Variants in MEGF11 observed in about 807,000 individuals in gnomAD.
The protein encoded by MEGF11 is multiple epidermal growth factor-like domains protein 11.
MEGF11 carries 126 observed loss-of-function variants against 146.6 expected under a neutral mutation model. That is an observed-to-expected ratio of 0.86 (90% confidence interval 0.74 to 1.00). MEGF11 has a LOEUF of 1.00. Among genes scored for constraint, MEGF11 ranks in the 50% least tolerant of loss-of-function variants. MEGF11 has a pLI of 0.00. For synonymous variants in MEGF11, 532 were observed against 583.4 expected, an observed-to-expected ratio of 0.91 and a Z score of 1.27; for missense variants, 1,509 against 1,521.2, an observed-to-expected ratio of 0.99 and a Z score of 0.13.
chr15:66,094,651 C>T (rs887960693), intron 4 of MEGF11, among the ~76,000 whole-genome samples, 157 bp from the exon 5 acceptor site: 2 of 152,206 alleles, frequency 1.3e-5, no homozygotes, highest in African/African-American at 4.8e-5. Flanking sequence ...CTACACCTGA[C>T]CTGAGTTATT....
chr15:65,998,024 G>T (rs1429927539), intron 5 of MEGF11, among the ~76,000 whole-genome samples: 1 of 152,128 alleles, frequency 6.6e-6, no homozygotes, highest in African/African-American at 2.4e-5. Flanking sequence ...TCAAGGCACG[G>T]GCAGGGGTGG....
At chr15:65,955,823 A>AATATATGTATATATATATATATATAT (rs2080611150) in intron 10 of MEGF11, among the ~76,000 whole-genome samples, 1 of 40,204 alleles carries the variant, frequency 2.5e-5, no homozygotes, top group Non-Finnish European at 4.5e-5. Context: ...CAATACTTTA[A>AATATATGTATATATATATATATATAT]ATATATAACA....
chr15:66,054,489 C>T (rs2084598030), intron 5 of MEGF11, among the ~76,000 whole-genome samples: 1 of 152,184 alleles, frequency 6.6e-6, no homozygotes, highest in Non-Finnish European at 1.5e-5. Context: ...TAGAATGTCC[C>T]TTCCCCACTC....
chr15:66,090,463 G>A (rs919161261), intron 5 of MEGF11, among the ~76,000 whole-genome samples: 6 of 152,228 alleles, frequency 3.9e-5, no homozygotes, highest in Non-Finnish European at 7.3e-5. Flanking sequence ...GCATGAAACC[G>A]ATTTGAGGTT....
At chr15:65,998,366 G>T (rs1270192238) in intron 5 of MEGF11, among the ~76,000 whole-genome samples, 2 of 152,156 alleles carry the variant, frequency 1.3e-5, no homozygotes, top group Admixed American at 6.5e-5. Context: ...CCCCTGCCAG[G>T]TAAGAAAGAC....
chr15:66,174,370 G>A (rs1004877109), intron 1 of MEGF11, among the ~76,000 whole-genome samples: 1 of 152,122 alleles, frequency 6.6e-6, no homozygotes, highest in East Asian at 1.9e-4. Flanking sequence ...GCATGTGCCC[G>A]AGACTTAATC....
At chr15:66,191,109 G>A (rs1002562019) in intron 1 of MEGF11, among the ~76,000 whole-genome samples, 5 of 152,144 alleles carry the variant, frequency 3.3e-5, no homozygotes, top group Non-Finnish European at 5.9e-5. Context: ...TAAGATGGAA[G>A]GCTGCCTCTG....
At chr15:65,932,654 G>A (rs1460656554) in intron 10 of MEGF11, among the ~76,000 whole-genome samples, 1 of 152,018 alleles carries the variant, frequency 6.6e-6, no homozygotes, top group South Asian at 2.1e-4. Flanking sequence ...TAAAAGTGGG[G>A]CTGGGAGTCT....
At position 66,244,719 on chromosome 15, in the gene MEGF11, C is replaced by G. The variant is rs189862088; in HGVS notation, c.-9+8886G>C. Among the ~76,000 whole-genome samples, 95 of 152,256 alleles carry G rather than the reference C, an allele frequency of 6.2e-4. 2 individuals carry two copies. In the East Asian group the frequency reaches 0.016, roughly 25 times the overall value. ...CCTAAAAATCACCTGAAGTAGTACC[C>G]AGCACAGAGCAGGAATTCATTAAAT... On this transcript the variant is annotated intron_variant, in intron 1 of 25. Transcript: ENST00000395614.
intron 1 of MEGF11, among the ~76,000 whole-genome samples, chr15:66,157,596 C>T (rs1193706165): frequency 6.6e-6 from 1 of 152,248 alleles, no homozygotes; most frequent in Non-Finnish European, 1.5e-5. Context: ...CTTTCTCCTG[C>T]ACTAATGTCA....
chr15:66,079,624 T>C (rs75530576), intron 5 of MEGF11, among the ~76,000 whole-genome samples: 15,525 of 148,652 alleles, frequency 0.1, 856 homozygotes, highest in Middle Eastern at 0.17. Context: ...GGCTCAGATA[T>C]TCCTCATAGA....
At chr15:66,170,623 G>A (rs1415550197) in intron 1 of MEGF11, among the ~76,000 whole-genome samples, 1 of 152,214 alleles carries the variant, frequency 6.6e-6, no homozygotes. Flanking sequence ...AAAGGAACCA[G>A]TAGTTTGTGA....
intron 9 of MEGF11, among the ~76,000 whole-genome samples, chr15:65,958,574 C>A (rs757848102): frequency 6.6e-6 from 1 of 152,210 alleles, no homozygotes; most frequent in Non-Finnish European, 1.5e-5. Flanking sequence ...AGCTGGAACA[C>A]AGCAGGGATA....
intron 5 of MEGF11, among the ~76,000 whole-genome samples, chr15:66,063,385 T>C (rs913673002): frequency 6.6e-6 from 1 of 152,178 alleles, no homozygotes; most frequent in African/African-American, 2.4e-5. Context: ...TACACTAGTC[T>C]TGGTGAGCAA....
At chr15:65,942,974 C>CTTTTTTTTT (rs58874869) in intron 10 of MEGF11, among the ~76,000 whole-genome samples, 8 of 47,618 alleles carry the variant, frequency 1.7e-4, no homozygotes, top group Non-Finnish European at 2.4e-4. Flanking sequence ...AACAACTTGG[C>CTTTTTTTTT]TTTTTTTTTT....
In MEGF11 at chr15:66,247,264, G is replaced by A. The variant is rs561933157; in HGVS notation, c.-9+6341C>T. On this transcript the variant is annotated intron_variant, in intron 1 of 25. Transcript: ENST00000395614. ...TGTTCTCCATTTGATATTCTTGATGGTCTAGTCCTCACATGTCCCCTGCAT... is the reference window on the plus strand; with the variant it reads ...TGTTCTCCATTTGATATTCTTGATGATCTAGTCCTCACATGTCCCCTGCAT... Among the ~76,000 whole-genome samples, 28 of 152,180 alleles carry A rather than the reference G, an allele frequency of 1.8e-4. No homozygotes were observed. The South Asian group carries it at 2.7e-3, about 15-fold the overall frequency.
At chr15:66,082,328 C>T (rs2085890733) in intron 5 of MEGF11, among the ~76,000 whole-genome samples, 1 of 145,036 alleles carries the variant, frequency 6.9e-6, no homozygotes, top group Non-Finnish European at 1.5e-5. Context: ...TGGCTCATGC[C>T]TGTAATTGCA....
intron 10 of MEGF11, among the ~76,000 whole-genome samples, chr15:65,931,197 A>G (rs2079563606): frequency 6.6e-6 from 1 of 152,114 alleles, no homozygotes; most frequent in South Asian, 2.1e-4. Flanking sequence ...GTAAAAGATG[A>G]CCAAAGAAGG....
At chr15:66,140,579 C>T (rs1291685789) in intron 1 of MEGF11, among the ~76,000 whole-genome samples, 3 of 152,174 alleles carry the variant, frequency 2.0e-5, no homozygotes, top group Non-Finnish European at 2.9e-5. Flanking sequence ...AATTCTGTGG[C>T]GTGCCCACAA....
Sources: gnomAD v4.1 joint callset for allele counts (sites outside exome capture counted in the v4.1 genomes callset) on GRCh38, gnomAD v4.1.1 for gene constraint, MANE v1.5 for transcripts, NCBI Gene and HGNC (gene_info 2026-07-23, HGNC 2026-07-21) for gene names.